Variants in RNF19A observed in about 807,000 individuals in gnomAD.
The protein encoded by RNF19A is E3 ubiquitin-protein ligase RNF19A.
RNF19A carries 32 observed loss-of-function variants against 75.7 expected under a neutral mutation model. That is an observed-to-expected ratio of 0.42 (90% CI 0.32 to 0.57). The LOEUF is 0.57. Among genes scored for constraint, RNF19A ranks in the 20% least tolerant of loss-of-function variants. RNF19A has a pLI of 0.10. For synonymous variants in RNF19A, 335 were observed against 345.2 expected (o/e 0.97, Z 0.33); for missense variants, 782 against 1,036.3 (o/e 0.75, Z 3.37).
rs1443248730 is a variant in RNF19A, at chr8:100,324,800, C to A, written c.-243+11308G>T. Among the ~76,000 whole-genome samples the A allele has an allele frequency of 2.0e-5, 3 of 151,626 alleles. No individual in the cohort carries two copies. Among genetic ancestry groups the A allele is most frequent in the Non-Finnish European group, 2.9e-5 (2 of 67,850 alleles). ...ATTGATCTATCTTTTTTCTTTCTTT[C>A]TCTTTCTTCTTCCTTCCTTCCTTCC... On this transcript the variant is annotated intron_variant, in intron 1 of 3. Coordinates refer to the RNF19A transcript ENST00000519527. The surrounding 1 kb of genome is among the most constrained non-coding windows in gnomAD (Gnocchi z 4.2).
At chr8:100,274,815 T>C in intron 3 of RNF19A, 138 bp downstream of exon 3, 1 of 642,344 alleles carries the variant, frequency 1.6e-6, no homozygotes. Flanking sequence ...TAGGAAAGAA[T>C]GAGTGCTTCT....
intron 1 of RNF19A, among the ~76,000 whole-genome samples, chr8:100,290,227 G>C (rs141905737): frequency 2.0e-5 from 3 of 152,068 alleles, no homozygotes; most frequent in Non-Finnish European, 2.9e-5. Context: ...CAATTCTCCT[G>C]CCTCAGCTGG....
intron 1 of RNF19A, among the ~76,000 whole-genome samples, chr8:100,297,337 G>C (rs1221065521): frequency 3.3e-5 from 5 of 152,146 alleles, no homozygotes; most frequent in African/African-American, 1.2e-4. Flanking sequence ...TCTCTACCAA[G>C]TAGTTTTATG....
At chr8:100,310,366 G>A (rs1048479623), upstream of RNF19A, 10 of 465,068 alleles carry the variant, frequency 2.2e-5, no homozygotes, top group African/African-American at 1.7e-4. Flanking sequence ...CCTCGAGCGC[G>A]CCGGGCAGTG....
chr8:100,302,707 G>A (rs982911511), intron 1 of RNF19A, among the ~76,000 whole-genome samples: 9 of 152,110 alleles, frequency 5.9e-5, no homozygotes, highest in African/African-American at 1.7e-4. Flanking sequence ...GAGAAGAGGC[G>A]AATCCAGTAA....
At position 100,330,928 on chromosome 8, in the gene RNF19A, G is replaced by T. The variant is rs1465007109; in HGVS notation, c.-243+5180C>A. Reference sequence around the variant, plus strand: ...CAGACTGGCTCCAAGGCTCTGAGCTGGTCTTTCTGAAATCTGACTCCCTTG... The same window carrying T: ...CAGACTGGCTCCAAGGCTCTGAGCTTGTCTTTCTGAAATCTGACTCCCTTG... On this transcript the variant is annotated intron_variant, in intron 1 of 3. Coordinates refer to the RNF19A transcript ENST00000519527. This position sits in a 1 kb window ranked among gnomAD's most constrained non-coding sequence, Gnocchi z 4.1. Among the ~76,000 whole-genome samples the T allele has an allele frequency of 6.6e-6, 1 of 152,150 alleles. No individual in the cohort carries two copies. The highest frequency in any genetic ancestry group is 1.5e-5 in the Non-Finnish European group (1 of 68,024).
chr8:100,297,384 A>T (rs974398103), intron 1 of RNF19A, among the ~76,000 whole-genome samples: 1 of 152,338 alleles, frequency 6.6e-6, no homozygotes, highest in African/African-American at 2.4e-5. Context: ...TATCATCTGT[A>T]AAATGGGGAA....
At chr8:100,301,182 A>G (rs1586674516) in intron 1 of RNF19A, among the ~76,000 whole-genome samples, 1 of 152,234 alleles carries the variant, frequency 6.6e-6, no homozygotes, top group Non-Finnish European at 1.5e-5. Flanking sequence ...ATTGGCTACC[A>G]TATTGGACTG....
At position 100,331,701 on chromosome 8, in the gene RNF19A, T is replaced by C. The variant is rs1262602703; in HGVS notation, c.-243+4407A>G. 1.3e-5 allele frequency among the ~76,000 whole-genome samples: 2 copies of C among 152,048 alleles called. No homozygotes were observed. The highest frequency in any genetic ancestry group is 1.5e-5 in the Non-Finnish European group (1 of 68,008). ...AAGGAATAAAAGGGTAGAGTGAAAG[T>C]CTCTTTTTAAATTCTATTCTTTAAT... On this transcript the variant is annotated intron_variant, in intron 1 of 3. Transcript: ENST00000519527. The surrounding 1 kb of genome is among the most constrained non-coding windows in gnomAD (Gnocchi z 5.2).
At chr8:100,292,765 GATTTA>G (rs922130222) in intron 1 of RNF19A, among the ~76,000 whole-genome samples, 9 of 151,898 alleles carry the variant, frequency 5.9e-5, no homozygotes, top group African/African-American at 1.5e-4. Context: ...CATACATACT[GATTTA>G]ATTTTTTAAT....
intron 2 of RNF19A, among the ~76,000 whole-genome samples, chr8:100,278,362 A>T (rs2129771660): frequency 6.6e-6 from 1 of 152,354 alleles, no homozygotes; most frequent in South Asian, 2.1e-4. Context: ...TACTCAAAAT[A>T]AATATTGGTT....
intron 5 of RNF19A, among the ~76,000 whole-genome samples, chr8:100,267,262 C>T (rs1211630725): frequency 3.9e-5 from 6 of 152,176 alleles, no homozygotes. Context: ...CATAAACTTT[C>T]CTAAATCTCA....
chr8:100,312,047 A>G (rs1822307584), upstream of RNF19A, among the ~76,000 whole-genome samples: 1 of 152,178 alleles, frequency 6.6e-6, no homozygotes, highest in Admixed American at 6.5e-5. Flanking sequence ...TCCTCAAAGC[A>G]TGCTTCTTTC....
At chr8:100,310,134 T>G, upstream of RNF19A, 2 of 983,308 alleles carry the variant, frequency 2.0e-6, no homozygotes, top group Non-Finnish European at 2.4e-6. Flanking sequence ...TTTCCCCTCC[T>G]CCTCCTCCCA....
intron 1 of RNF19A, among the ~76,000 whole-genome samples, chr8:100,335,688 A>G (rs1822670269): frequency 6.6e-6 from 1 of 152,202 alleles, no homozygotes; most frequent in Admixed American, 6.5e-5. Context: ...GGCTAGATGG[A>G]GCCTGATTCT....
intron 5 of RNF19A, among the ~76,000 whole-genome samples, chr8:100,266,134 G>A (rs1819961065): frequency 6.6e-6 from 1 of 152,174 alleles, no homozygotes; most frequent in Admixed American, 6.5e-5. Flanking sequence ...TAATTTTTCT[G>A]TTTACTATTT....
intron 1 of RNF19A, among the ~76,000 whole-genome samples, chr8:100,305,940 T>C (rs1206372018): frequency 6.6e-6 from 1 of 152,220 alleles, no homozygotes; most frequent in African/African-American, 2.4e-5. Context: ...TGTGATACAA[T>C]ATTTATATTA....
intron 7 of RNF19A, 117 bp downstream of exon 7, chr8:100,263,917 A>G: frequency 1.3e-6 from 1 of 756,948 alleles, no homozygotes; most frequent in South Asian, 2.1e-5. Context: ...CTGAATGAAT[A>G]CTATTAGGCC....
At chr8:100,309,722 C>G (rs1822222646) in intron 1 of RNF19A, 145 bp downstream of exon 1, 5 of 981,296 alleles carry the variant, frequency 5.1e-6, no homozygotes, top group Non-Finnish European at 6.1e-6. Flanking sequence ...GAGGAGACGC[C>G]TTTCCCACCG....
Sources: allele counts gnomAD v4.1 joint callset (sites outside exome capture counted in the v4.1 genomes callset), GRCh38; gene constraint gnomAD v4.1.1; non-coding constraint Gnocchi (gnomAD v3.1); transcripts MANE v1.5; gene names NCBI Gene and HGNC (gene_info 2026-07-23, HGNC 2026-07-21).